VPS26B: variants seen among roughly 807,000 people sequenced by gnomAD.
VPS26B encodes the protein vacuolar protein sorting-associated protein 26B.
In VPS26B, 10 loss-of-function variants were observed where a neutral mutation model predicts 33.3. The ratio of observed to expected loss-of-function variants is 0.30; its 90% confidence interval spans 0.19 to 0.51. VPS26B has a LOEUF of 0.51. VPS26B is among the 20% of genes least tolerant of loss of function. The probability of loss-of-function intolerance (pLI) is 0.98; values close to 1 mark genes in which losing one functional copy is unlikely to be tolerated. For synonymous variants in VPS26B, 190 were observed against 176.9 expected (o/e 1.07, Z -0.59); for missense variants, 317 against 452.7 (o/e 0.70, Z 2.72).
Position 134,240,804 on chromosome 11 carries a change from T to TGTGTCC in VPS26B, c.545+653_545+654insCCGTGT, listed in dbSNP as rs887320226. Among the ~76,000 whole-genome samples the TGTGTCC allele has an allele frequency of 6.9e-6, 1 of 144,340 alleles. No individual in the cohort carries two copies. The highest frequency in any genetic ancestry group is 1.6e-5 in the Non-Finnish European group (1 of 63,436). The allele number at this position is 144,340 out of a possible 152,430, so 94.7% of individuals were successfully genotyped here. A position where few individuals can be genotyped will look rare whatever the true frequency, so the allele number is the denominator to read the frequency against. ...GTGTGTGTGTGTGTCCGTGTGTGTG[T>TGTGTCC]GTGTGTGTGTGTGTGTGTGTGTGTA... On this transcript the variant is annotated intron_variant, in intron 3 of 5. Transcript: ENST00000281187. The surrounding 1 kb of genome is among the most constrained non-coding windows in gnomAD (Gnocchi z 4.4).
chr11:134,233,898 T>A (rs1032278732), intron 1 of VPS26B, among the ~76,000 whole-genome samples: 4 of 151,948 alleles, frequency 2.6e-5, no homozygotes, highest in African/African-American at 9.7e-5. Context: ...TAAAATAATA[T>A]AGGACAAATG....
rs552631018 is a variant in VPS26B at position 134,245,141 on chromosome 11, C to T, written c.864+61C>T. On this transcript the variant is annotated intron_variant, in intron 5 of 5. Coordinates refer to ENST00000281187, the MANE Select transcript of VPS26B (RefSeq NM_052875.5). This position sits in a 1 kb window ranked among gnomAD's most constrained non-coding sequence, Gnocchi z 4.7. ...GGGACAGAACAGGAGGCTCTCTTTC[C>T]TATGGAAGGTCAGACTCCATTTTTG... 5 of 1,580,606 alleles carry T rather than the reference C, an allele frequency of 3.2e-6. No homozygotes were observed. The Admixed American group carries it at 7.4e-5, about 23-fold the overall frequency.
At chr11:134,232,372 A>G (rs1345312152) in intron 1 of VPS26B, among the ~76,000 whole-genome samples, 1 of 152,224 alleles carries the variant, frequency 6.6e-6, no homozygotes, top group East Asian at 1.9e-4. Context: ...TTTGCCCCAC[A>G]GTGTTTGCAG....
chr11:134,235,269 C>T (rs1003434910), intron 2 of VPS26B: 3 of 465,676 alleles, frequency 6.4e-6, no homozygotes, highest in Non-Finnish European at 7.5e-6. Context: ...GTACATAGCC[C>T]CGCCATGGCC....
intron 1 of VPS26B, among the ~76,000 whole-genome samples, chr11:134,228,794 G>A (rs1938515556): frequency 6.6e-6 from 1 of 152,222 alleles, no homozygotes; most frequent in Non-Finnish European, 1.5e-5. Context: ...TGCTGAAGCT[G>A]CGGTCGTGTG....
chr11:134,245,495 C>G lies in VPS26B; in HGVS notation c.916C>G (p.Gln306Glu), dbSNP rs1938797894. The G allele has an allele frequency of 3.7e-6, 6 of 1,613,840 alleles. No individual in the cohort carries two copies. Among genetic ancestry groups the G allele is most frequent in the Non-Finnish European group, 5.1e-6 (6 of 1,179,896 alleles). The change falls in exon 6 of 6, where the codon CAG becomes GAG. Residue 306 changes from glutamine to glutamate, a missense_variant. Coordinates refer to ENST00000281187, the MANE Select transcript of VPS26B (RefSeq NM_052875.5). This position sits in a 1 kb window ranked among gnomAD's most constrained non-coding sequence, Gnocchi z 4.7. ...GDIVRKSMSHQAAIASQRFEG... is the reference protein window; with the variant it reads ...GDIVRKSMSHEAAIASQRFEG... ...CATCGTACGGAAGAGCATGTCCCAC[C>G]AGGCGGCCATCGCCTCACAGCGCTT...
rs1938775614 is a variant in VPS26B at position 134,244,203 on chromosome 11, G to T, written c.722-735G>T. On this transcript the variant is annotated intron_variant, in intron 4 of 5. Coordinates refer to ENST00000281187, the MANE Select transcript of VPS26B (RefSeq NM_052875.5). The surrounding 1 kb of genome is among the most constrained non-coding windows in gnomAD (Gnocchi z 4.0). The stretch of plus-strand genomic sequence containing the variant: ...CATTTTTCCTGTACAAATGAAATGG[G>T]TCACTGAGAATGCATGTAAAAGAGC... The T allele has an allele frequency of 6.6e-6, 1 of 152,210 alleles. No individual in the cohort carries two copies. The highest frequency in any genetic ancestry group is 6.5e-5 in the Admixed American group (1 of 15,280). 9.4% of individuals were successfully genotyped at this position (152,210 alleles called of 1,614,324 possible). A position where few individuals can be genotyped will look rare whatever the true frequency, so the allele number is the denominator to read the frequency against.
In VPS26B at chr11:134,230,927, T is replaced by C. The variant is rs979173568; in HGVS notation, c.224-3970T>C. On this transcript the variant is annotated intron_variant, in intron 1 of 5. Coordinates refer to ENST00000281187, the MANE Select transcript of VPS26B (RefSeq NM_052875.5). ...TGCCAACACATGTGGTGAGGGCATC[T>C]CTTGGGTCAGGCCCATGGGACAGAA... 5.9e-5 allele frequency among the ~76,000 whole-genome samples: 9 copies of C among 152,332 alleles called. No individual in the cohort carries two copies. The South Asian group carries it at 1.2e-3, about 21-fold the overall frequency.
At chr11:134,233,945 A>G (rs1005777146) in intron 1 of VPS26B, among the ~76,000 whole-genome samples, 2 of 152,176 alleles carry the variant, frequency 1.3e-5, no homozygotes, top group Non-Finnish European at 2.9e-5. Context: ...TACCAGAACT[A>G]TTTCCTGAAG....
Position 134,245,190 on chromosome 11 carries a change from G to C in VPS26B, c.864+110G>C. On this transcript the variant is annotated intron_variant, in intron 5 of 5. Coordinates refer to ENST00000281187, the MANE Select transcript of VPS26B (RefSeq NM_052875.5). The surrounding 1 kb of genome is among the most constrained non-coding windows in gnomAD (Gnocchi z 4.7). ...TGCCAAGAGGTGGGAACATTAGGTCGCCCACAATTGCACAACAAGAATGAG... is the reference window on the plus strand; with the variant it reads ...TGCCAAGAGGTGGGAACATTAGGTCCCCCACAATTGCACAACAAGAATGAG... The C allele has an allele frequency of 1.4e-6, 2 of 1,438,262 alleles. No individual in the cohort carries two copies. The highest frequency in any genetic ancestry group is 1.9e-6 in the Non-Finnish European group (2 of 1,078,034). 89.1% of individuals were successfully genotyped at this position (1,438,262 alleles called of 1,614,324 possible).
intron 1 of VPS26B, 77 bp downstream of exon 1, chr11:134,225,422 T>C (rs553910399): frequency 7.0e-7 from 1 of 1,424,398 alleles, no homozygotes; most frequent in African/African-American, 1.4e-5. Flanking sequence ...GCCCAGCTCC[T>C]CCGGCGAGGC....
chr11:134,229,775 A>G (rs142876203), intron 1 of VPS26B, among the ~76,000 whole-genome samples: 1 of 152,058 alleles, frequency 6.6e-6, no homozygotes, highest in African/African-American at 2.4e-5. Flanking sequence ...TTCTGTGAGG[A>G]TGAAGTTTCT....
intron 1 of VPS26B, among the ~76,000 whole-genome samples, chr11:134,225,876 C>T (rs1484836678): frequency 4.6e-5 from 7 of 152,176 alleles, no homozygotes; most frequent in Non-Finnish European, 1.0e-4. Context: ...CCAGTTCTCT[C>T]TTACCTCACC....
Position 134,243,234 on chromosome 11 carries a change from G to A in VPS26B, c.661G>A (p.Val221Met), listed in dbSNP as rs1351755902. The A allele has an allele frequency of 4.3e-6, 7 of 1,614,140 alleles. No homozygotes were observed. The East Asian group carries it at 6.7e-5, about 15-fold the overall frequency. Residue 221 changes from valine (V) to methionine (M), a missense_variant, in exon 4 of 6, where the codon GTG (valine) becomes ATG (methionine). Coordinates refer to ENST00000281187, the MANE Select transcript of VPS26B (RefSeq NM_052875.5). ...AGAAACGACGGGTACAGGCCCCAACGTGTACCATGAGAATGACACGATAGC... is the reference window on the plus strand; with the variant it reads ...AGAAACGACGGGTACAGGCCCCAACATGTACCATGAGAATGACACGATAGC... ...KRETTGTGPN[V>M]YHENDTIAKY...
Position 134,225,112 on chromosome 11 carries a change from C to G in VPS26B, c.-11C>G, listed in dbSNP as rs550972156. 1.3e-6 allele frequency: 2 copies of G among 1,593,150 alleles called. No homozygotes were observed. Among genetic ancestry groups the G allele is most frequent in the African/African-American group, 1.3e-5 (1 of 74,738 alleles). On this transcript the variant is annotated 5_prime_UTR_variant, in exon 1 of 6. Coordinates refer to ENST00000281187, the MANE Select transcript of VPS26B (RefSeq NM_052875.5). The stretch of plus-strand genomic sequence containing the variant: ...CGGTCCTTACCGAGACCCGCCCGGC[C>G]CGGCGGTGCGATGAGCTTCTTCGGC...
chr11:134,226,595 T>C (rs954484041), intron 1 of VPS26B, among the ~76,000 whole-genome samples: 2 of 152,200 alleles, frequency 1.3e-5, no homozygotes, highest in Admixed American at 6.5e-5. Flanking sequence ...AGGAGTAGAA[T>C]CACAGTAAAT....
At chr11:134,229,144 C>T (rs1938521770) in intron 1 of VPS26B, among the ~76,000 whole-genome samples, 1 of 152,220 alleles carries the variant, frequency 6.6e-6, no homozygotes, top group African/African-American at 2.4e-5. Flanking sequence ...ATCCTCCCAT[C>T]TCTGCCTCCC....
At chr11:134,243,423 T>G in intron 4 of VPS26B, 129 bp downstream of exon 4, 1 of 1,152,354 alleles carries the variant, frequency 8.7e-7, no homozygotes, top group Non-Finnish European at 1.2e-6. Flanking sequence ...TCTTAATCTC[T>G]CAGTTTACAC....
At chr11:134,228,690 G>A (rs986036409) in intron 1 of VPS26B, among the ~76,000 whole-genome samples, 6 of 152,190 alleles carry the variant, frequency 3.9e-5, no homozygotes, top group South Asian at 2.1e-4. Flanking sequence ...CTGGTTCCCC[G>A]AAAGAAGCAT....
Sources: allele counts gnomAD v4.1 joint callset (sites outside exome capture counted in the v4.1 genomes callset), GRCh38; gene constraint gnomAD v4.1.1; non-coding constraint Gnocchi (gnomAD v3.1); transcripts MANE v1.5; gene names NCBI Gene and HGNC (gene_info 2026-07-23, HGNC 2026-07-21).